Variants in DCT observed in about 807,000 individuals in gnomAD.
DCT encodes the protein L-dopachrome tautomerase.
DCT carries 47 observed loss-of-function variants against 53.0 expected under a neutral mutation model. The ratio of observed to expected loss-of-function variants is 0.89; its 90% CI spans 0.70 to 1.13. The LOEUF is 1.13. DCT is among the 50% of genes most tolerant of loss of function. DCT has a pLI of 0.00. For synonymous variants in DCT, 244 were observed against 237.0 expected (o/e 1.03, Z -0.27); for missense variants, 669 against 637.4 (o/e 1.05, Z -0.53).
chr13:94,447,544 C>T (rs1882813748), intron 6 of DCT, among the ~76,000 whole-genome samples: 2 of 152,218 alleles, frequency 1.3e-5, no homozygotes, highest in Admixed American at 1.3e-4. Context: ...GGGACCCCTG[C>T]TTTACACCAC....
At chr13:94,443,289 G>A (rs559601619) in intron 7 of DCT, 147 bp downstream of exon 7, 171 of 639,068 alleles carry the variant, frequency 2.7e-4, no homozygotes, top group Non-Finnish European at 3.8e-4. Flanking sequence ...TGCTAAATAC[G>A]TATATGCTAG....
intron 6 of DCT, chr13:94,445,680 GA>G: frequency 2.1e-6 from 3 of 1,431,452 alleles, no homozygotes; most frequent in Non-Finnish European, 2.9e-6. Flanking sequence ...CACAACAAAG[GA>G]AAAAAACCTG....
chr13:94,489,467 C>T, the DCT span, among the ~76,000 whole-genome samples: 10 of 152,250 alleles, frequency 6.6e-5, no homozygotes, highest in African/African-American at 2.4e-4. Context: ...CTTAATAAAG[C>T]ATAATTTTAA....
chr13:94,455,618 A>G (rs745401484), intron 6 of DCT, among the ~76,000 whole-genome samples: 69 of 152,336 alleles, frequency 4.5e-4, no homozygotes, highest in Non-Finnish European at 7.6e-4. Context: ...GTTACAACAG[A>G]AAACATCTGG....
chr13:94,490,544 G>GTGTC, the DCT span, among the ~76,000 whole-genome samples: 3 of 99,208 alleles, frequency 3.0e-5, no homozygotes, highest in Admixed American at 3.1e-4. Context: ...ACTAACCATG[G>GTGTC]TGTCTGTGTC....
At chr13:94,512,034 T>C in the DCT span, among the ~76,000 whole-genome samples, 2 of 152,200 alleles carry the variant, frequency 1.3e-5, no homozygotes, top group Non-Finnish European at 2.9e-5. Context: ...TGGTTTTTTA[T>C]TGCCCTTTTA....
Position 94,460,162 on chromosome 13 carries a change from T to G in DCT, c.1108A>C (p.Asn370His), listed in dbSNP as rs1300126891. 1 of 1,613,944 alleles carries G rather than the reference T, an allele frequency of 6.2e-7. No homozygotes were observed. The highest frequency in any genetic ancestry group is 8.5e-7 in the Non-Finnish European group (1 of 1,179,948). The change falls in exon 6 of 8, where the codon AAT (asparagine) becomes CAT (histidine). Residue 370 changes from asparagine (N) to histidine (H), a missense_variant. Asn to His is a moderately conservative substitution (Grantham distance 68). Coordinates refer to ENST00000377028, the MANE Select transcript of DCT (RefSeq NM_001922.5). ...CCGTTCAGGAAGGAATGAACCAAAT[T>G]ATGAAGGCTCATCACTTGAGAATCC... ...TLDSQVMSLH[N>H]LVHSFLNGTN...
intron 1 of DCT, among the ~76,000 whole-genome samples, chr13:94,476,198 T>C (rs1163021201): frequency 1.4e-5 from 2 of 147,222 alleles, no homozygotes; most frequent in Non-Finnish European, 3.0e-5. Context: ...TTTTTTTTTT[T>C]TTTTTTTTTG....
chr13:94,516,795 C>A, the DCT span, among the ~76,000 whole-genome samples: 2 of 131,150 alleles, frequency 1.5e-5, no homozygotes, highest in Admixed American at 1.5e-4. Context: ...AAGGTCCTCA[C>A]CAAATGTAGC....
the DCT span, among the ~76,000 whole-genome samples, chr13:94,508,211 C>T: frequency 1.3e-5 from 2 of 152,208 alleles, no homozygotes; most frequent in African/African-American, 4.8e-5. Flanking sequence ...ACATATGAAG[C>T]ACTGAGCAGA....
At chr13:94,461,182 A>G (rs901419584) in intron 5 of DCT, among the ~76,000 whole-genome samples, 1 of 152,250 alleles carries the variant, frequency 6.6e-6, no homozygotes, top group Non-Finnish European at 1.5e-5. Flanking sequence ...CTCAAAATGC[A>G]GTGCTCAGAC....
chr13:94,454,075 C>A (rs1883264306), intron 6 of DCT, among the ~76,000 whole-genome samples: 1 of 152,172 alleles, frequency 6.6e-6, no homozygotes. Flanking sequence ...GGTAGTCCAT[C>A]AGCTATGTGT....
the DCT span, among the ~76,000 whole-genome samples, chr13:94,534,269 C>G: frequency 6.6e-6 from 1 of 152,256 alleles, no homozygotes; most frequent in East Asian, 1.9e-4. Context: ...GTAAGTTTCC[C>G]TTGAAATCAA....
At chr13:94,517,316 C>A in the DCT span, among the ~76,000 whole-genome samples, 1 of 152,212 alleles carries the variant, frequency 6.6e-6, no homozygotes, top group Non-Finnish European at 1.5e-5. Context: ...TGTTGACACT[C>A]ACCCAATATC....
the DCT span, among the ~76,000 whole-genome samples, chr13:94,536,860 C>G: frequency 3.9e-5 from 6 of 152,222 alleles, no homozygotes; most frequent in African/African-American, 1.4e-4. Flanking sequence ...AGGAGAATTG[C>G]TTGAACCCAG....
chr13:94,454,475 A>G (rs763139443), intron 6 of DCT, among the ~76,000 whole-genome samples: 4 of 152,164 alleles, frequency 2.6e-5, no homozygotes, highest in Non-Finnish European at 5.9e-5. Context: ...TATTGAAGAC[A>G]GCACTTAGCA....
the DCT span, among the ~76,000 whole-genome samples, chr13:94,525,039 A>T: frequency 6.6e-6 from 1 of 151,808 alleles, no homozygotes; most frequent in South Asian, 2.1e-4. Context: ...TCCTGATATA[A>T]CTGAGAAGAA....
chr13:94,547,962 C>CAAAAAA, the DCT span, among the ~76,000 whole-genome samples: 74 of 67,898 alleles, frequency 1.1e-3, 5 homozygotes, highest in African/African-American at 9.0e-3. Flanking sequence ...AACTCCGTCT[C>CAAAAAA]AAAAAAAAAA....
chr13:94,549,330 C>A, the DCT span, among the ~76,000 whole-genome samples: 3 of 152,084 alleles, frequency 2.0e-5, no homozygotes, highest in African/African-American at 7.3e-5. Flanking sequence ...CTCACACCAG[C>A]CCCCCAGGCG....
Sources: gnomAD v4.1 joint callset for allele counts (sites outside exome capture counted in the v4.1 genomes callset) on GRCh38, gnomAD v4.1.1 for gene constraint, MANE v1.5 for transcripts, NCBI Gene and HGNC (gene_info 2026-07-23, HGNC 2026-07-21) for gene names.